VASP: variants seen among roughly 807,000 people sequenced by gnomAD.
VASP encodes the protein vasodilator stimulated phosphoprotein, also known as vasodilator-stimulated phosphoprotein.
Under a neutral mutation model 54.4 loss-of-function variants are expected in VASP, and 27 were observed. The observed-to-expected ratio is 0.50, with a 90% CI of 0.37 to 0.68. VASP has a LOEUF of 0.68. Ranked by LOEUF, VASP falls within the 30% of genes least tolerant of loss-of-function variation. The pLI, the probability that VASP is intolerant of heterozygous loss-of-function variation, is 0.00. For missense variants in VASP, 488 were observed against 528.3 expected (o/e 0.92, Z 0.75); for synonymous variants, 233 against 209.8 (o/e 1.11, Z -0.96).
intron 1 of VASP, among the ~76,000 whole-genome samples, chr19:45,510,825 C>G (rs149317486): frequency 6.6e-6 from 1 of 151,612 alleles, no homozygotes; most frequent in African/African-American, 2.4e-5. Context: ...TCCAGCTACT[C>G]TGGAGGCTGA....
chr19:45,517,352 T>C (rs1300031493), intron 1 of VASP, among the ~76,000 whole-genome samples: 1 of 146,076 alleles, frequency 6.8e-6, no homozygotes, highest in Non-Finnish European at 1.5e-5. Context: ...CCATCCTTTT[T>C]CCCCACCCCT....
chr19:45,509,771 GC>G (rs972493355), intron 1 of VASP, among the ~76,000 whole-genome samples: 1 of 152,194 alleles, frequency 6.6e-6, no homozygotes, highest in African/African-American at 2.4e-5. Flanking sequence ...CAAAACCCAT[GC>G]CCCTATTACC....
chr19:45,520,139 T>G (rs1305193057), intron 3 of VASP, among the ~76,000 whole-genome samples: 1 of 152,036 alleles, frequency 6.6e-6, no homozygotes, highest in African/African-American at 2.4e-5. Flanking sequence ...TGACCTCAGG[T>G]GATCCACTCG....
At chr19:45,523,519 T>TA (rs1164962390) in intron 7 of VASP, 125 bp from the exon 8 acceptor site, 1 of 1,104,534 alleles carries the variant, frequency 9.1e-7, no homozygotes, top group Non-Finnish European at 1.3e-6. Flanking sequence ...TTTCTAAAAC[T>TA]AGAGTTTCCT....
At chr19:45,524,875 C>T (rs1388924379) in intron 11 of VASP, 4 of 473,094 alleles carry the variant, frequency 8.5e-6, no homozygotes, top group Non-Finnish European at 1.6e-5. Flanking sequence ...GCGCTCATTC[C>T]AGATGAGTGC....
chr19:45,516,188 G>A (rs1332289119), intron 1 of VASP, among the ~76,000 whole-genome samples: 1 of 152,220 alleles, frequency 6.6e-6, no homozygotes, highest in African/African-American at 2.4e-5. Context: ...GGGGACAGCT[G>A]TGTCTCCCAC....
At chr19:45,523,000 T>C (rs1968876579) in intron 7 of VASP, among the ~76,000 whole-genome samples, 182 bp downstream of exon 7, 1 of 152,094 alleles carries the variant, frequency 6.6e-6, no homozygotes, top group African/African-American at 2.4e-5. Flanking sequence ...ACCACCTAGG[T>C]AGCCTGTAGA....
rs769890209 is a variant in VASP, at chr19:45,523,635, C to T, written c.822-9C>T. On this transcript the variant is annotated splice_polypyrimidine_tract_variant and intron_variant, in intron 7 of 12. Coordinates refer to ENST00000245932, the MANE Select transcript of VASP (RefSeq NM_003370.4). ...CGGAAGCACGTGTTTTTGCTTTTCT[C>T]TCCTGCAGAAGGAAAGCCACGCAAG... The T allele has an allele frequency of 2.9e-5, 46 of 1,613,846 alleles. No individual in the cohort carries two copies. The highest frequency in any genetic ancestry group is 3.8e-5 in the Non-Finnish European group (45 of 1,179,974).
At chr19:45,516,415 C>T (rs1446776351) in intron 1 of VASP, among the ~76,000 whole-genome samples, 2 of 152,238 alleles carry the variant, frequency 1.3e-5, no homozygotes, top group African/African-American at 4.8e-5. Flanking sequence ...CTGCTGCAGG[C>T]CTCACACTTC....
intron 1 of VASP, among the ~76,000 whole-genome samples, chr19:45,512,288 CCTCA>C (rs35204855): frequency 0.16 from 24,189 of 151,318 alleles, 2,097 homozygotes; most frequent in East Asian, 0.34. Context: ...TATATATGCT[CCTCA>C]CTGTTTTTTT....
chr19:45,517,845 C>T lies in VASP; in HGVS notation c.177+11C>T, dbSNP rs766438822. On this transcript the variant is annotated intron_variant, in intron 2 of 12. Coordinates refer to ENST00000245932, the MANE Select transcript of VASP (RefSeq NM_003370.4). ...CAGCCCGACCAGCAGGTGCAGCTTC[C>T]CGCCGGCCCCCTCTGTGGGCTGAAC... The T allele has an allele frequency of 6.2e-6, 10 of 1,611,794 alleles. No homozygotes were observed. In the Admixed American group the frequency reaches 1.5e-4, roughly 24 times the overall value.
intron 1 of VASP, among the ~76,000 whole-genome samples, chr19:45,517,393 C>T (rs1409511538): frequency 6.6e-6 from 1 of 151,812 alleles, no homozygotes; most frequent in Non-Finnish European, 1.5e-5. Flanking sequence ...TGTCTGCCTT[C>T]AGTCTGTCTC....
intron 4 of VASP, among the ~76,000 whole-genome samples, chr19:45,521,955 C>T (rs559212388): frequency 6.6e-6 from 1 of 152,198 alleles, no homozygotes; most frequent in South Asian, 2.1e-4. Flanking sequence ...ACTGGGATCT[C>T]GCATCCTGAT....
intron 1 of VASP, among the ~76,000 whole-genome samples, chr19:45,516,310 G>A (rs375492154): frequency 6.6e-6 from 1 of 152,250 alleles, no homozygotes; most frequent in Non-Finnish European, 1.5e-5. Context: ...AGTATCTGGG[G>A]AATGGCCGCT....
chr19:45,507,634 G>A lies in VASP; in HGVS notation c.-138G>A. The A allele has an allele frequency of 8.7e-7, 1 of 1,154,130 alleles. No individual in the cohort carries two copies. The highest frequency in any genetic ancestry group is 1.2e-6 in the Non-Finnish European group (1 of 839,672). 71.5% of individuals were successfully genotyped at this position (1,154,130 alleles called of 1,614,324 possible). Reference sequence around the variant, plus strand: ...CCCGGCCCGGTCCACATTCTCCCCAGGAAGCCGGACTCTATGGGGCGGGAC... The same window carrying A: ...CCCGGCCCGGTCCACATTCTCCCCAAGAAGCCGGACTCTATGGGGCGGGAC... On this transcript the variant is annotated 5_prime_UTR_variant, in exon 1 of 13. Coordinates refer to ENST00000245932, the MANE Select transcript of VASP (RefSeq NM_003370.4). The surrounding 1 kb of genome is among the most constrained non-coding windows in gnomAD (Gnocchi z 4.4).
chr19:45,520,191 G>A (rs1239771894), intron 3 of VASP, among the ~76,000 whole-genome samples: 3 of 151,954 alleles, frequency 2.0e-5, no homozygotes, highest in South Asian at 2.1e-4. Flanking sequence ...CGCGAGTCAC[G>A]CGCCCAGCCC....
chr19:45,508,444 T>G (rs1968532916), intron 1 of VASP, among the ~76,000 whole-genome samples: 1 of 152,174 alleles, frequency 6.6e-6, no homozygotes, highest in Non-Finnish European at 1.5e-5. Context: ...TCTGCTTAAC[T>G]GGCCGTGCCT....
chr19:45,517,551 C>T (rs939482723), intron 1 of VASP, 112 bp from the exon 2 acceptor site: 11 of 1,413,160 alleles, frequency 7.8e-6, no homozygotes, highest in Middle Eastern at 1.8e-4. Flanking sequence ...GCTCCTGCCT[C>T]CCTCTGTGTC....
chr19:45,525,885 G>C (rs976361840), intron 11 of VASP, 61 bp from the exon 12 acceptor site: 1 of 1,517,760 alleles, frequency 6.6e-7, no homozygotes, highest in South Asian at 1.2e-5. Flanking sequence ...TAAAAGAAGG[G>C]GGATTCATTC....
Sources: gnomAD v4.1 joint callset for allele counts (sites outside exome capture counted in the v4.1 genomes callset) on GRCh38, gnomAD v4.1.1 for gene constraint, Gnocchi (gnomAD v3.1) non-coding constraint, MANE v1.5 for transcripts, NCBI Gene and HGNC (gene_info 2026-07-23, HGNC 2026-07-21) for gene names.